Variants in ATP13A2 observed in about 807,000 individuals in gnomAD.
ATP13A2 encodes the protein polyamine-transporting ATPase 13A2.
ATP13A2 carries 83 observed loss-of-function variants against 138.3 expected under a neutral mutation model. The ratio of observed to expected loss-of-function variants is 0.60; its 90% confidence interval spans 0.50 to 0.72. The LOEUF is 0.72. Ranked by LOEUF, ATP13A2 falls within the 30% of genes least tolerant of loss-of-function variation. The pLI is 0.00. For synonymous variants in ATP13A2, 663 were observed against 699.0 expected, an observed-to-expected ratio of 0.95 and a Z score of 0.81; for missense variants, 1,402 against 1,606.4, an observed-to-expected ratio of 0.87 and a Z score of 2.17.
intron 15 of ATP13A2, among the ~76,000 whole-genome samples, chr1:16,994,766 G>A (rs1162997648): frequency 2.6e-5 from 4 of 152,088 alleles, no homozygotes; most frequent in Non-Finnish European, 2.9e-5. Context: ...GGGTTCAAGC[G>A]ATTCTCCTGC....
rs576160203 is a variant in ATP13A2 at position 17,005,991 on chromosome 1, C to T, written c.11-213G>A. 8.4e-4 allele frequency among the ~76,000 whole-genome samples: 128 copies of T among 152,132 alleles called. 1 individual carries two copies. The highest frequency in any genetic ancestry group is 3.0e-3 in the African/African-American group (123 of 41,520). On this transcript the variant is annotated intron_variant, in intron 1 of 28. Coordinates refer to ENST00000326735, the MANE Select transcript of ATP13A2 (RefSeq NM_022089.4). ...TCTACTAAAAATAAAAAAAATTAGC[C>T]GGGCGTGGCAGCGCGTGCCTGTAAT...
At position 16,991,821 on chromosome 1, in the gene ATP13A2, G is replaced by A. The variant is rs1323513961; in HGVS notation, c.2164C>T (p.Leu722=). ...VEGDLSLLGL[L]VMRNLLKPQT... is the part of the protein sequence containing the mutation. ...GGCTTCAGTAGGTTCCTCATGACCA[G>A]CAGCCCCAGGAGGCTCAGGTCTCCT... The change falls in exon 20 of 29, where the codon CTG becomes TTG. Residue 722 remains leucine, a synonymous_variant. Transcript: ENST00000326735. 2.5e-6 allele frequency: 4 copies of A among 1,614,042 alleles called. No individual in the cohort carries two copies. The highest frequency in any genetic ancestry group is 3.4e-6 in the Non-Finnish European group (4 of 1,180,050).
chr1:16,991,486 C>T (rs950504256), intron 20 of ATP13A2, among the ~76,000 whole-genome samples: 2 of 152,232 alleles, frequency 1.3e-5, no homozygotes, highest in Non-Finnish European at 2.9e-5. Flanking sequence ...GGCTGTCTGA[C>T]AGCGCACATG....
intron 23 of ATP13A2, among the ~76,000 whole-genome samples, chr1:16,989,114 C>A (rs374476673): frequency 1.3e-5 from 2 of 151,802 alleles, no homozygotes; most frequent in East Asian, 1.9e-4. Context: ...CAGGGTTTCA[C>A]CATGTTGGCC....
Position 16,995,380 on chromosome 1 carries a change from GACC to G in ATP13A2, c.1542+593_1542+595del, listed in dbSNP as rs2077081552. On this transcript the variant is annotated intron_variant, in intron 15 of 28. Coordinates refer to ENST00000326735, the MANE Select transcript of ATP13A2 (RefSeq NM_022089.4). This position sits in a 1 kb window ranked among gnomAD's most constrained non-coding sequence, Gnocchi z 4.1. The stretch of plus-strand genomic sequence containing the variant: ...TGGTGGGGGACACACACACTCCAGT[GACC>G]ACAAGGATGCCTGTGTTGGTCACTG... 1.0e-5 allele frequency: 2 copies of G among 200,566 alleles called. No homozygotes were observed. Among genetic ancestry groups the G allele is most frequent in the East Asian group, 1.3e-4 (1 of 7,610 alleles). The allele number at this position is 200,566 out of a possible 1,614,324, so 12.4% of individuals were successfully genotyped here.
rs1374693367 is a variant in ATP13A2 at position 17,011,742 on chromosome 1, G to C, written c.-4C>G. 8.2e-6 allele frequency: 12 copies of C among 1,465,182 alleles called. No individual in the cohort carries two copies. The highest frequency in any genetic ancestry group is 2.1e-4 in the Middle Eastern group (1 of 4,656). The allele number at this position is 1,465,182 out of a possible 1,614,324, so 90.8% of individuals were successfully genotyped here. A position where few individuals can be genotyped will look rare whatever the true frequency, so the allele number is the denominator to read the frequency against. ...CTCCGCACTCACCTGCGCTCATGCC[G>C]GCTCCTCGCGCTCATCGCCGGCCCC... On this transcript the variant is annotated 5_prime_UTR_variant, in exon 1 of 29. Transcript: ENST00000326735. The surrounding 1 kb of genome is among the most constrained non-coding windows in gnomAD (Gnocchi z 7.3).
At chr1:16,999,380 CAAAAAAAAAA>C (rs67969184) in intron 11 of ATP13A2, among the ~76,000 whole-genome samples, 1 of 56,178 alleles carries the variant, frequency 1.8e-5, no homozygotes, top group African/African-American at 7.5e-5. Context: ...AACTCCATCT[CAAAAAAAAAA>C]AAAAAAAAAA....
chr1:17,006,854 C>A (rs1485254968), intron 1 of ATP13A2, among the ~76,000 whole-genome samples: 3 of 152,092 alleles, frequency 2.0e-5, no homozygotes, highest in Non-Finnish European at 4.4e-5. Context: ...GATGGGTAAA[C>A]TGAGACTTGG....
Position 16,996,483 on chromosome 1 carries a change from T to G in ATP13A2, c.1209A>C (p.Ala403=). The G allele has an allele frequency of 6.2e-7, 1 of 1,613,936 alleles. No individual in the cohort carries two copies. Among genetic ancestry groups the G allele is most frequent in the East Asian group, 2.2e-5 (1 of 44,862 alleles). Residue 403 remains alanine (A), a synonymous_variant, in exon 13 of 29, where the codon GCA becomes GCC. Transcript: ENST00000326735. The part of the protein sequence containing the change: ...AVVTRTGFCT[A]KGGLVSSILH... ...AGATGGAGCTCACCAGGCCCCCTTT[T>G]GCCGTGCAGAACCCTGGGGAGGAGG...
chr1:16,995,532 G>T lies in ATP13A2; in HGVS notation c.1542+444C>A. 3 of 299,982 alleles carry T rather than the reference G, an allele frequency of 1.0e-5. No homozygotes were observed. The highest frequency in any genetic ancestry group is 9.0e-5 in the East Asian group (1 of 11,170). The allele number at this position is 299,982 out of a possible 1,614,324, so 18.6% of individuals were successfully genotyped here. A position where few individuals can be genotyped will look rare whatever the true frequency, so the allele number is the denominator to read the frequency against. ...GGCTGGAGTACAATGGCATGATCTT[G>T]GCTCACTGCAACCTCTGCGATTCTC... On this transcript the variant is annotated intron_variant, in intron 15 of 28. Coordinates refer to ENST00000326735, the MANE Select transcript of ATP13A2 (RefSeq NM_022089.4). This position sits in a 1 kb window ranked among gnomAD's most constrained non-coding sequence, Gnocchi z 4.1.
chr1:16,995,632 G>A lies in ATP13A2; in HGVS notation c.1542+344C>T. The A allele has an allele frequency of 2.6e-6, 1 of 381,494 alleles. No homozygotes were observed. Among genetic ancestry groups the A allele is most frequent in the South Asian group, 2.1e-5 (1 of 47,120 alleles). 23.6% of individuals were successfully genotyped at this position (381,494 alleles called of 1,614,324 possible). A position where few individuals can be genotyped will look rare whatever the true frequency, so the allele number is the denominator to read the frequency against. ...CTGGCTAACTTTTGTATTTTTAGTA[G>A]ACGGGGTTTTGCCATGTTGGTCAGG... On this transcript the variant is annotated intron_variant, in intron 15 of 28. Transcript: ENST00000326735. This position sits in a 1 kb window ranked among gnomAD's most constrained non-coding sequence, Gnocchi z 4.1.
rs758130062 is a variant in ATP13A2, at chr1:17,004,444, G to A, written c.478-33C>T. ...GGAGAGAGGAGAGGATGGGTTGGAAGCTGGCCCCGGCCCCAGAAGCAGTGT... is the reference window on the plus strand; with the variant it reads ...GGAGAGAGGAGAGGATGGGTTGGAAACTGGCCCCGGCCCCAGAAGCAGTGT... On this transcript the variant is annotated intron_variant, in intron 5 of 28. Coordinates refer to ENST00000326735, the MANE Select transcript of ATP13A2 (RefSeq NM_022089.4). The surrounding 1 kb of genome is among the most constrained non-coding windows in gnomAD (Gnocchi z 4.1). 23 of 1,610,244 alleles carry A rather than the reference G, an allele frequency of 1.4e-5. No individual in the cohort carries two copies. Among genetic ancestry groups the A allele is most frequent in the Non-Finnish European group, 1.9e-5 (22 of 1,177,478 alleles).
chr1:16,986,233 G>C lies in ATP13A2; in HGVS notation c.3531C>G (p.Gly1177=). The C allele has an allele frequency of 6.2e-7, 1 of 1,611,846 alleles. No individual in the cohort carries two copies. ...AEQPWPPLPA[G]PLR is the part of the protein sequence containing the mutation. ...CCGTGGGCCTGCACTACCTCAGGGG[G>C]CCGGCGGGCAGCGGCGGCCAGGGCT... Residue 1177 remains glycine, a synonymous_variant, in exon 29 of 29, where the codon GGC becomes GGG. Transcript: ENST00000326735. The surrounding 1 kb of genome is among the most constrained non-coding windows in gnomAD (Gnocchi z 6.9).
In ATP13A2 at chr1:17,004,497, G is replaced by T; in HGVS notation, c.478-86C>A. 1 of 1,553,856 alleles carries T rather than the reference G, an allele frequency of 6.4e-7. No individual in the cohort carries two copies. The highest frequency in any genetic ancestry group is 8.8e-7 in the Non-Finnish European group (1 of 1,134,862). On this transcript the variant is annotated intron_variant, in intron 5 of 28. Coordinates refer to ENST00000326735, the MANE Select transcript of ATP13A2 (RefSeq NM_022089.4). The surrounding 1 kb of genome is among the most constrained non-coding windows in gnomAD (Gnocchi z 4.1). ...TTATGCTGGGAGCCGAGGGATGGGG[G>T]TAGGGGGCAGGGACTGGTGTCACCA...
rs1379777160 is a variant in ATP13A2 at position 16,986,730 on chromosome 1, C to T, written c.3235+75G>A. ...TCTTCCACTCGGCCGGCACCTCTCTCCCATCTGCCTCCCCAGCACCCCAGG... is the reference window on the plus strand; with the variant it reads ...TCTTCCACTCGGCCGGCACCTCTCTTCCATCTGCCTCCCCAGCACCCCAGG... On this transcript the variant is annotated intron_variant, in intron 27 of 28. Transcript: ENST00000326735. This position sits in a 1 kb window ranked among gnomAD's most constrained non-coding sequence, Gnocchi z 6.9. 1.9e-6 allele frequency: 3 copies of T among 1,578,204 alleles called. No individual in the cohort carries two copies. Among genetic ancestry groups the T allele is most frequent in the Non-Finnish European group, 2.6e-6 (3 of 1,166,008 alleles).
At chr1:17,000,872 G>A (rs572228545) in intron 8 of ATP13A2, 1 of 302,346 alleles carries the variant, frequency 3.3e-6, no homozygotes, top group Non-Finnish European at 6.3e-6. Context: ...AGCTGGGGAG[G>A]TGGAGGGTGC....
chr1:16,987,569 G>A (rs1048757718), intron 25 of ATP13A2, among the ~76,000 whole-genome samples: 2 of 152,214 alleles, frequency 1.3e-5, no homozygotes, highest in African/African-American at 4.8e-5. Context: ...TCTGCCTTGC[G>A]GAGTCCCTAT....
intron 25 of ATP13A2, 32 bp from the exon 26 acceptor site, chr1:16,987,301 C>G: frequency 6.2e-7 from 1 of 1,605,884 alleles, no homozygotes; most frequent in Non-Finnish European, 8.5e-7. Context: ...AGAGGGGAAA[C>G]TAAGACCTGG....
intron 12 of ATP13A2, 93 bp downstream of exon 12, chr1:16,996,927 G>GACTC: frequency 6.7e-7 from 1 of 1,491,544 alleles, no homozygotes; most frequent in Non-Finnish European, 9.1e-7. Context: ...TGGGCGTGGG[G>GACTC]TCCAGGGTTC....
Sources: allele counts gnomAD v4.1 joint callset (sites outside exome capture counted in the v4.1 genomes callset), GRCh38; gene constraint gnomAD v4.1.1; non-coding constraint Gnocchi (gnomAD v3.1); transcripts MANE v1.5; gene names NCBI Gene and HGNC (gene_info 2026-07-23, HGNC 2026-07-21).